Variants in CA10 observed in about 807,000 individuals in gnomAD.
CA10 encodes carbonic anhydrase-related protein 10.
A neutral mutation model predicts 44.2 loss-of-function variants in CA10; 14 were observed. The observed-to-expected ratio is 0.32, with a 90% CI of 0.21 to 0.50. The LOEUF is 0.50. CA10 is among the 20% of genes least tolerant of loss of function. CA10 has a pLI of 0.99. For missense variants in CA10, 350 were observed against 409.7 expected, an observed-to-expected ratio of 0.85 and a Z score of 1.26; for synonymous variants, 159 against 141.6, an observed-to-expected ratio of 1.12 and a Z score of -0.87.
chr17:51,840,785 C>T (rs1008347541), intron 3 of CA10, among the ~76,000 whole-genome samples: 3 of 152,036 alleles, frequency 2.0e-5, no homozygotes, highest in Admixed American at 6.5e-5. Context: ...TATGAAAATA[C>T]GATATCAAAA....
At chr17:51,647,729 A>G (rs1380792723) in intron 6 of CA10, among the ~76,000 whole-genome samples, 1 of 152,204 alleles carries the variant, frequency 6.6e-6, no homozygotes, top group Non-Finnish European at 1.5e-5. Flanking sequence ...TTTTTCATCA[A>G]AAAAGTTAAA....
At chr17:51,870,343 C>T (rs139142988) in intron 3 of CA10, among the ~76,000 whole-genome samples, 4 of 152,326 alleles carry the variant, frequency 2.6e-5, no homozygotes, top group Non-Finnish European at 5.9e-5. Flanking sequence ...CCACAAATAA[C>T]CTGAGGGCAG....
At chr17:51,931,845 T>C (rs1982676509) in intron 2 of CA10, among the ~76,000 whole-genome samples, 1 of 152,156 alleles carries the variant, frequency 6.6e-6, no homozygotes, top group East Asian at 1.9e-4. Flanking sequence ...TTAGAATGTA[T>C]TTCTGTGGCA....
intron 2 of CA10, among the ~76,000 whole-genome samples, chr17:51,938,463 C>G (rs935040423): frequency 6.6e-5 from 10 of 152,102 alleles, no homozygotes; most frequent in African/African-American, 1.9e-4. Context: ...GGATTAATTG[C>G]TTAATTCCAT....
chr17:51,775,856 G>A (rs1415640080), intron 3 of CA10, among the ~76,000 whole-genome samples: 3 of 152,154 alleles, frequency 2.0e-5, no homozygotes, highest in Admixed American at 6.5e-5. Flanking sequence ...ATCTCTTCAC[G>A]TGGTACTTGG....
chr17:51,718,623 A>T (rs1042987028), intron 4 of CA10, among the ~76,000 whole-genome samples: 5 of 152,162 alleles, frequency 3.3e-5, no homozygotes, highest in African/African-American at 1.2e-4. Context: ...TAGCAAATTA[A>T]TTGAACCCAA....
At chr17:51,732,831 T>C (rs189789649) in intron 4 of CA10, among the ~76,000 whole-genome samples, 1 of 152,074 alleles carries the variant, frequency 6.6e-6, no homozygotes, top group South Asian at 2.1e-4. Flanking sequence ...ATTTCTGCCC[T>C]CTATATACAC....
At chr17:51,924,973 A>T (rs192651432) in intron 3 of CA10, among the ~76,000 whole-genome samples, 2 of 152,314 alleles carry the variant, frequency 1.3e-5, no homozygotes, top group Non-Finnish European at 2.9e-5. Flanking sequence ...GATATGGGGA[A>T]AAATCAGCTT....
chr17:52,147,390 T>G (rs956480457), intron 1 of CA10, among the ~76,000 whole-genome samples: 1 of 151,882 alleles, frequency 6.6e-6, no homozygotes, highest in African/African-American at 2.4e-5. Context: ...TAAACACAAC[T>G]CTCATTCATG....
At chr17:52,012,191 G>C (rs906714584) in intron 2 of CA10, among the ~76,000 whole-genome samples, 5 of 151,946 alleles carry the variant, frequency 3.3e-5, no homozygotes, top group African/African-American at 1.2e-4. Context: ...AGAAACTGAG[G>C]GGAAAAAGAT....
chr17:52,036,766 A>G (rs1986630436), intron 2 of CA10, among the ~76,000 whole-genome samples: 1 of 152,176 alleles, frequency 6.6e-6, no homozygotes, highest in South Asian at 2.1e-4. Flanking sequence ...AAGATAATGA[A>G]TGTATAGTGT....
intron 3 of CA10, among the ~76,000 whole-genome samples, chr17:51,760,981 A>G (rs558942923): frequency 6.6e-6 from 1 of 152,324 alleles, no homozygotes; most frequent in South Asian, 2.1e-4. Flanking sequence ...ACACATTACA[A>G]TTCGAACTCA....
chr17:51,903,997 G>A (rs1598109528), intron 3 of CA10, among the ~76,000 whole-genome samples: 2 of 151,644 alleles, frequency 1.3e-5, no homozygotes, highest in South Asian at 2.1e-4. Flanking sequence ...CGTATGGTCT[G>A]GTGTGCATGT....
chr17:51,961,188 AACACACACACACACACACACACACAC>A (rs71149387), intron 2 of CA10, among the ~76,000 whole-genome samples: 1 of 145,004 alleles, frequency 6.9e-6, no homozygotes, highest in Admixed American at 6.9e-5. Context: ...TGTACACACA[AACACACACACACACACACACACACAC>A]ACACACACAC....
chr17:51,899,218 C>T (rs1012413619), intron 3 of CA10, among the ~76,000 whole-genome samples: 3 of 152,002 alleles, frequency 2.0e-5, no homozygotes, highest in African/African-American at 7.2e-5. Flanking sequence ...ACTGCTTTAG[C>T]TGTATTCCAG....
At chr17:51,748,989 TA>T (rs1416363604) in intron 3 of CA10, among the ~76,000 whole-genome samples, 2 of 152,162 alleles carry the variant, frequency 1.3e-5, no homozygotes, top group Non-Finnish European at 2.9e-5. Context: ...ATGTGACTGA[TA>T]GGGGCCATGG....
chr17:51,961,134 C>T (rs1405749574), intron 2 of CA10, among the ~76,000 whole-genome samples: 2 of 151,622 alleles, frequency 1.3e-5, no homozygotes, highest in Admixed American at 6.6e-5. Flanking sequence ...AGCCAGAACC[C>T]ACGATTGCAT....
At chr17:52,036,870 A>G (rs902825494) in intron 2 of CA10, among the ~76,000 whole-genome samples, 1 of 152,174 alleles carries the variant, frequency 6.6e-6, no homozygotes, top group Non-Finnish European at 1.5e-5. Flanking sequence ...TCAGAGCATG[A>G]TACATTCACA....
chr17:52,061,432 T>C (rs1987382001), intron 2 of CA10, among the ~76,000 whole-genome samples: 1 of 152,184 alleles, frequency 6.6e-6, no homozygotes, highest in South Asian at 2.1e-4. Context: ...GTCCAACTTT[T>C]AAAATGGTAA....
Sources: gnomAD v4.1 joint callset for allele counts (sites outside exome capture counted in the v4.1 genomes callset) on GRCh38, gnomAD v4.1.1 for gene constraint, MANE v1.5 for transcripts, NCBI Gene and HGNC (gene_info 2026-07-23, HGNC 2026-07-21) for gene names.